The following SREBF2 variants were observed in gnomAD, a reference collection of about 807,000 sequenced individuals.
SREBF2 encodes sterol regulatory element-binding protein 2.
SREBF2 carries 55 observed loss-of-function variants against 113.1 expected under a neutral mutation model. The ratio of observed to expected loss-of-function variants is 0.49; its 90% CI spans 0.39 to 0.61. The LOEUF (loss-of-function observed/expected upper bound fraction) is 0.61, where lower values mean the gene tolerates loss of function less well. SREBF2 is among the 20% of genes least tolerant of loss of function. The pLI, the probability that SREBF2 is intolerant of heterozygous loss-of-function variation, is 0.00. For synonymous variants in SREBF2, 593 were observed against 605.7 expected (o/e 0.98, Z 0.31); for missense variants, 1,349 against 1,487.4 (o/e 0.91, Z 1.53).
At chr22:41,874,510 T>G (rs561222767) in intron 5 of SREBF2, among the ~76,000 whole-genome samples, 2 of 152,386 alleles carry the variant, frequency 1.3e-5, no homozygotes, top group East Asian at 3.9e-4. Context: ...GAGATTTTAT[T>G]TTTAAAACCT....
chr22:41,833,259 C>A lies in SREBF2; in HGVS notation c.-12C>A. 1 of 1,522,500 alleles carries A rather than the reference C, an allele frequency of 6.6e-7. No individual in the cohort carries two copies. Among genetic ancestry groups the A allele is most frequent in the East Asian group, 2.6e-5 (1 of 37,788 alleles). 94.3% of individuals were successfully genotyped at this position (1,522,500 alleles called of 1,614,324 possible). ...CGGGACGGCAGGGGGGGCTTCTGCG[C>A]TGAGCCGGGCGATGGACGACAGCGG... On this transcript the variant is annotated 5_prime_UTR_variant, in exon 1 of 19. In the 5' UTR this introduces an upstream ATG that the reference lacks. Transcript: ENST00000361204. This position sits in a 1 kb window ranked among gnomAD's most constrained non-coding sequence, Gnocchi z 4.1.
chr22:41,883,715 G>A (rs1818861716), intron 10 of SREBF2, among the ~76,000 whole-genome samples: 2 of 152,214 alleles, frequency 1.3e-5, no homozygotes, highest in African/African-American at 4.8e-5. Flanking sequence ...ACAGAATGGA[G>A]TGTGGAGGCT....
chr22:41,837,604 A>ATCCCAGC (rs1364245716), intron 1 of SREBF2, among the ~76,000 whole-genome samples: 2 of 150,080 alleles, frequency 1.3e-5, no homozygotes, highest in Non-Finnish European at 3.0e-5. Context: ...CACACCTATA[A>ATCCCAGC]TCCCAGCACT....
At chr22:41,877,818 A>C in intron 8 of SREBF2, 124 bp from the exon 9 acceptor site, 1 of 1,010,700 alleles carries the variant, frequency 9.9e-7, no homozygotes. Flanking sequence ...TTATAGAATT[A>C]TTTGCCCTTT....
At chr22:41,856,880 G>C (rs1159196738) in intron 1 of SREBF2, among the ~76,000 whole-genome samples, 2 of 152,034 alleles carry the variant, frequency 1.3e-5, no homozygotes, top group African/African-American at 4.8e-5. Flanking sequence ...TTCAAGACCA[G>C]CCTGGCCAAC....
In SREBF2 at chr22:41,878,072, C is replaced by T. The variant is rs199937728; in HGVS notation, c.1710C>T (p.Ser570=). 6.2e-7 allele frequency: 1 copy of T among 1,614,230 alleles called. No individual in the cohort carries two copies. Among genetic ancestry groups the T allele is most frequent in the East Asian group, 2.2e-5 (1 of 44,886 alleles). ...GEPVIRPHSR[S]SVTFWRHRKQ... is the part of the protein sequence containing the mutation. ...CAGTGATCCGGCCACACTCGCGCTC[C>T]TCGGTCACCTTCTGGAGGCACCGGA... The change falls in exon 9 of 19, where the codon TCC becomes TCT. Residue 570 remains serine, a synonymous_variant. Coordinates refer to ENST00000361204, the MANE Select transcript of SREBF2 (RefSeq NM_004599.4).
intron 1 of SREBF2, among the ~76,000 whole-genome samples, chr22:41,858,250 G>A (rs1319755049): frequency 6.6e-6 from 1 of 152,088 alleles, no homozygotes; most frequent in African/African-American, 2.4e-5. Context: ...TACTTGTTGG[G>A]CAGCTCTAAT....
intron 1 of SREBF2, among the ~76,000 whole-genome samples, chr22:41,852,332 A>G (rs2076939852): frequency 6.6e-6 from 1 of 151,268 alleles, no homozygotes; most frequent in African/African-American, 2.4e-5. Flanking sequence ...ACTGAGTCTC[A>G]AGGAAATTAA....
chr22:41,869,344 T>C (rs2077117303), intron 3 of SREBF2, among the ~76,000 whole-genome samples: 1 of 150,440 alleles, frequency 6.6e-6, no homozygotes, highest in African/African-American at 2.5e-5. Flanking sequence ...TCCACCCGCC[T>C]CGGCCTCCCA....
chr22:41,888,444 C>T (rs1480869435), intron 11 of SREBF2, among the ~76,000 whole-genome samples: 1 of 149,234 alleles, frequency 6.7e-6, no homozygotes, highest in African/African-American at 2.6e-5. Flanking sequence ...ATCAAGGATC[C>T]GTGTACCGTG....
At position 41,874,039 on chromosome 22, in the gene SREBF2, G is replaced by A. The variant is rs1439031513; in HGVS notation, c.1089+20G>A. ...GCCAAGGTGGGTGCCAAGCAAAATT[G>A]TGTTTTATGTTCCACCATCTCCCCT... is the stretch of plus-strand genomic sequence containing the variant. On this transcript the variant is annotated intron_variant, in intron 5 of 18. Coordinates refer to ENST00000361204, the MANE Select transcript of SREBF2 (RefSeq NM_004599.4). 1 of 1,613,762 alleles carries A rather than the reference G, an allele frequency of 6.2e-7. No homozygotes were observed.
At chr22:41,897,576 A>G (rs949605987) in intron 14 of SREBF2, among the ~76,000 whole-genome samples, 1 of 152,156 alleles carries the variant, frequency 6.6e-6, no homozygotes, top group African/African-American at 2.4e-5. Context: ...ACCACTCCTC[A>G]GCCCCTCATC....
In SREBF2 at chr22:41,900,150, G is replaced by T. The variant is rs2077452820; in HGVS notation, c.2739-180G>T. 3 of 1,496,306 alleles carry T rather than the reference G, an allele frequency of 2.0e-6. No individual in the cohort carries two copies. In the Admixed American group the frequency reaches 6.0e-5, roughly 30 times the overall value. The allele number at this position is 1,496,306 out of a possible 1,614,324, so 92.7% of individuals were successfully genotyped here. Reference sequence around the variant, plus strand: ...GCTAAAGGGTGGGGCGCTAACCCTAGCTCAGGGCTGGCATTTCAGATCTGG... The same window carrying T: ...GCTAAAGGGTGGGGCGCTAACCCTATCTCAGGGCTGGCATTTCAGATCTGG... On this transcript the variant is annotated intron_variant, in intron 15 of 18. Coordinates refer to ENST00000361204, the MANE Select transcript of SREBF2 (RefSeq NM_004599.4).
Position 41,860,431 on chromosome 22 carries a change from T to C in SREBF2, c.89-6400T>C, listed in dbSNP as rs183827448. Among the ~76,000 whole-genome samples, 334 of 152,250 alleles carry C rather than the reference T, an allele frequency of 2.2e-3. 1 individual carries two copies. Among genetic ancestry groups the C allele is most frequent in the African/African-American group, 7.5e-3 (311 of 41,564 alleles). On this transcript the variant is annotated intron_variant, in intron 1 of 18. Transcript: ENST00000361204. ...CATGTTGGTTTTTTCCACTATCAGA[T>C]TGACAGAAATGGCTGTGAGGAAACA...
intron 1 of SREBF2, among the ~76,000 whole-genome samples, chr22:41,850,033 G>A (rs34587252): frequency 0.12 from 18,817 of 151,562 alleles, 1,682 homozygotes; most frequent in Admixed American, 0.31. Flanking sequence ...CCAGCTACTC[G>A]GGAGGCTGAG....
chr22:41,894,794 AC>A (rs781495471), intron 12 of SREBF2, 25 bp from the exon 13 acceptor site: 3 of 1,601,540 alleles, frequency 1.9e-6, no homozygotes, highest in South Asian at 1.1e-5. Context: ...GCTCCATTTA[AC>A]CCCCCTTGCC....
At position 41,897,009 on chromosome 22, in the gene SREBF2, GTA is replaced by G. The variant is rs778745032; in HGVS notation, c.2496-39_2496-38del. 1.6e-5 allele frequency: 22 copies of G among 1,411,704 alleles called. No homozygotes were observed. The Admixed American group carries it at 1.6e-4, about 10-fold the overall frequency. The allele number at this position is 1,411,704 out of a possible 1,614,324, so 87.4% of individuals were successfully genotyped here. A position where few individuals can be genotyped will look rare whatever the true frequency, so the allele number is the denominator to read the frequency against. On this transcript the variant is annotated intron_variant, in intron 13 of 18. Coordinates refer to ENST00000361204, the MANE Select transcript of SREBF2 (RefSeq NM_004599.4). ...AGCTAGGCCATGAGGTGGGCCTTGT[GTA>G]TATGTTTTGATGTACATGGGACCCT... is the stretch of plus-strand genomic sequence containing the variant.
rs6002510 is a variant in SREBF2, at chr22:41,853,146, G to A, written c.89-13685G>A. On this transcript the variant is annotated intron_variant, in intron 1 of 18. Transcript: ENST00000361204. ...TGTAAACCAGAATGAGCAACTGCTG[G>A]GCTGGAGGAGCTCTCCTTCTTAGAG... 2.3e-3 allele frequency among the ~76,000 whole-genome samples: 351 copies of A among 152,284 alleles called. 2 individuals are homozygous for A. Among genetic ancestry groups the A allele is most frequent in the African/African-American group, 8.2e-3 (341 of 41,556 alleles).
intron 17 of SREBF2, among the ~76,000 whole-genome samples, chr22:41,903,389 G>A (rs918617082): frequency 6.6e-6 from 1 of 152,220 alleles, no homozygotes. Flanking sequence ...AGCTCAGCAG[G>A]GAGCAGGCCA....
Sources: allele counts gnomAD v4.1 joint callset (sites outside exome capture counted in the v4.1 genomes callset), GRCh38; gene constraint gnomAD v4.1.1; non-coding constraint Gnocchi (gnomAD v3.1); transcripts MANE v1.5; gene names NCBI Gene and HGNC (gene_info 2026-07-23, HGNC 2026-07-21).